Variants in ADAM22 observed in about 807,000 individuals in gnomAD.
The protein encoded by ADAM22 is ADAM metallopeptidase domain 22.
ADAM22 carries 65 observed loss-of-function variants against 144.6 expected under a neutral mutation model. The ratio of observed to expected loss-of-function variants is 0.45; its 90% CI spans 0.37 to 0.55. The LOEUF is 0.55. ADAM22 is among the 20% of genes least tolerant of loss of function. The pLI is 0.00. For synonymous variants in ADAM22, 391 were observed against 412.6 expected (o/e 0.95, Z 0.63); for missense variants, 974 against 1,184.9 (o/e 0.82, Z 2.61).
intron 22 of ADAM22, among the ~76,000 whole-genome samples, chr7:88,159,193 A>G (rs1411586767): frequency 6.6e-6 from 1 of 152,126 alleles, no homozygotes. Context: ...TACGTTTCCA[A>G]GACTGAATCA....
At chr7:88,140,965 G>A (rs1004311626) in intron 14 of ADAM22, among the ~76,000 whole-genome samples, 1 of 152,206 alleles carries the variant, frequency 6.6e-6, no homozygotes, top group African/African-American at 2.4e-5. Context: ...ATGGGGAGGT[G>A]GAGGGGGGAG....
At chr7:87,944,816 G>GT (rs11311070) in intron 2 of ADAM22, among the ~76,000 whole-genome samples, 3,767 of 126,892 alleles carry the variant, frequency 0.03, 140 homozygotes, top group African/African-American at 0.092. Flanking sequence ...GGAAACTTGT[G>GT]TTTTTTTTTT....
intron 3 of ADAM22, among the ~76,000 whole-genome samples, chr7:88,050,425 A>C (rs1805965764): frequency 6.7e-6 from 1 of 148,874 alleles, no homozygotes; most frequent in Admixed American, 6.8e-5. Context: ...AATTAAAAGA[A>C]TTATACCAGA....
Position 88,199,144 on chromosome 7 carries a change from C to T in ADAM22, c.*2653C>T, listed in dbSNP as rs1850961295. ...ACCGAGGTAGGTAGCATTAAATATA[C>T]AAGCACAGCATTATTTCTCTTTAAA... On this transcript the variant is annotated 3_prime_UTR_variant, in exon 32 of 32. Coordinates refer to ENST00000413139, the MANE Select transcript of ADAM22 (RefSeq NM_001324418.2). 1 of 152,130 alleles carries T rather than the reference C, an allele frequency of 6.6e-6. No individual in the cohort carries two copies. Among genetic ancestry groups the T allele is most frequent in the African/African-American group, 2.4e-5 (1 of 41,414 alleles). The allele number at this position is 152,130 out of a possible 1,614,324, so 9.4% of individuals were successfully genotyped here.
intron 3 of ADAM22, among the ~76,000 whole-genome samples, chr7:88,037,775 C>T (rs1160150994): frequency 1.3e-5 from 2 of 152,090 alleles, no homozygotes; most frequent in African/African-American, 2.4e-5. Flanking sequence ...ATACCTTATA[C>T]ACACACTCAC....
intron 13 of ADAM22, among the ~76,000 whole-genome samples, chr7:88,135,144 G>A (rs1832694237): frequency 6.6e-6 from 1 of 151,684 alleles, no homozygotes; most frequent in Admixed American, 6.6e-5. Context: ...CGGGTGTGGT[G>A]GCAGGCTCTT....
chr7:88,052,601 T>C (rs1174295813), intron 3 of ADAM22, among the ~76,000 whole-genome samples: 1 of 152,210 alleles, frequency 6.6e-6, no homozygotes, highest in Non-Finnish European at 1.5e-5. Flanking sequence ...AAGTACACAG[T>C]ACACATATCA....
At chr7:87,999,537 T>G (rs920253941) in intron 3 of ADAM22, among the ~76,000 whole-genome samples, 4 of 152,178 alleles carry the variant, frequency 2.6e-5, no homozygotes, top group African/African-American at 9.7e-5. Context: ...AGATCTGGGA[T>G]TTCAACTCTA....
In ADAM22 at chr7:87,971,502, A is replaced by G. The variant is rs190857050; in HGVS notation, c.247-6834A>G. Reference sequence around the variant, plus strand: ...TGACCTCTAGGAATCTCTCAATATTATTCTGTAATACCTGAAGTACCTGTT... The same window carrying G: ...TGACCTCTAGGAATCTCTCAATATTGTTCTGTAATACCTGAAGTACCTGTT... On this transcript the variant is annotated intron_variant, in intron 2 of 31. Coordinates refer to ENST00000413139, the MANE Select transcript of ADAM22 (RefSeq NM_001324418.2). Among the ~76,000 whole-genome samples the G allele has an allele frequency of 1.5e-3, 235 of 152,312 alleles. 1 individual carries two copies. The highest frequency in any genetic ancestry group is 5.4e-3 in the African/African-American group (224 of 41,564).
chr7:88,087,744 A>G (rs1287800475), intron 4 of ADAM22, among the ~76,000 whole-genome samples: 1 of 152,196 alleles, frequency 6.6e-6, no homozygotes, highest in Non-Finnish European at 1.5e-5. Flanking sequence ...GTGAATGTCT[A>G]TGTGTATTAG....
chr7:88,126,831 A>G (rs1830526658), intron 8 of ADAM22, among the ~76,000 whole-genome samples: 1 of 151,894 alleles, frequency 6.6e-6, no homozygotes. Flanking sequence ...TTCAGATGAG[A>G]GATACTTAAC....
At chr7:87,941,994 A>C (rs1206535594) in intron 2 of ADAM22, among the ~76,000 whole-genome samples, 1 of 152,156 alleles carries the variant, frequency 6.6e-6, no homozygotes, top group Non-Finnish European at 1.5e-5. Context: ...CTCACAACAC[A>C]CTGAGAACAG....
intron 26 of ADAM22, 111 bp downstream of exon 26, chr7:88,171,672 T>C: frequency 1.1e-6 from 1 of 939,872 alleles, no homozygotes; most frequent in Non-Finnish European, 1.6e-6. Context: ...TTATGTATAA[T>C]AATCATACAC....
chr7:88,170,201 G>GCCCAA (rs1403347897), intron 25 of ADAM22, among the ~76,000 whole-genome samples: 1 of 151,928 alleles, frequency 6.6e-6, no homozygotes, highest in Admixed American at 6.6e-5. Context: ...GCATACTACA[G>GCCCAA]TATCTTCTTT....
At chr7:88,009,193 GAC>G (rs1399101520) in intron 3 of ADAM22, among the ~76,000 whole-genome samples, 1 of 152,132 alleles carries the variant, frequency 6.6e-6, no homozygotes, top group Non-Finnish European at 1.5e-5. Context: ...TGACCCCCAT[GAC>G]ACAGTTTGTT....
Position 87,982,701 on chromosome 7 carries a change from T to TACATATATATATATAA in ADAM22, c.323+4289_323+4290insACATATATATATATAA, listed in dbSNP as rs1554373733. 2.7e-4 allele frequency among the ~76,000 whole-genome samples: 9 copies of TACATATATATATATAA among 33,802 alleles called. 1 individual carries two copies. The highest frequency in any genetic ancestry group is 1.2e-3 in the African/African-American group (9 of 7,684). The allele number at this position is 33,802 out of a possible 152,430, so 22.2% of individuals were successfully genotyped here. ...TATATATATATATATATATATATAA[T>TACATATATATATATAA]TTTTTTTTTTGAGATACAGTTTTGC... On this transcript the variant is annotated intron_variant, in intron 3 of 31. Coordinates refer to ENST00000413139, the MANE Select transcript of ADAM22 (RefSeq NM_001324418.2).
Position 88,108,176 on chromosome 7 carries a change from G to A in ADAM22, c.391G>A (p.Gly131Arg), listed in dbSNP as rs761358402. ...EHGGKTVEVK[G>R]GEHCYYQGHI... ...TTACATTCTTTATTTCTGTTTTCAG[G>A]GAGGAGAGCACTGTTACTACCAGGG... Residue 131 changes from glycine (G) to arginine (R), a missense_variant and splice_region_variant, in exon 5 of 32, where the codon GGA becomes AGA. Transcript: ENST00000413139. 3 of 1,609,774 alleles carry A rather than the reference G, an allele frequency of 1.9e-6. No homozygotes were observed. Among genetic ancestry groups the A allele is most frequent in the Admixed American group, 3.4e-5 (2 of 59,092 alleles).
intron 31 of ADAM22, 82 bp from the exon 32 acceptor site, chr7:88,196,389 C>A: frequency 6.7e-7 from 1 of 1,497,270 alleles, no homozygotes; most frequent in South Asian, 1.1e-5. Context: ...GATGGAATCA[C>A]TGAATCTTTT....
chr7:87,934,630 G>A, intron 1 of ADAM22, 80 bp downstream of exon 1: 3 of 1,337,724 alleles, frequency 2.2e-6, no homozygotes, highest in Non-Finnish European at 3.0e-6. Flanking sequence ...TTGAAAAGGG[G>A]GCATCCCCAT....
Sources: allele counts gnomAD v4.1 joint callset (sites outside exome capture counted in the v4.1 genomes callset), GRCh38; gene constraint gnomAD v4.1.1; transcripts MANE v1.5; gene names NCBI Gene and HGNC (gene_info 2026-07-23, HGNC 2026-07-21).